ITIH5: variants seen among roughly 807,000 people sequenced by gnomAD.
ITIH5 encodes the protein inter-alpha-trypsin inhibitor heavy chain 5.
Under a neutral mutation model 77.5 loss-of-function variants are expected in ITIH5, and 65 were observed. That is an observed-to-expected ratio of 0.84 (90% confidence interval 0.69 to 1.03). The LOEUF (loss-of-function observed/expected upper bound fraction) is 1.03, where lower values mean the gene tolerates loss of function less well. ITIH5 is among the 50% of genes least tolerant of loss of function. ITIH5 has a pLI of 0.00. For synonymous variants in ITIH5, 525 were observed against 494.3 expected, an observed-to-expected ratio of 1.06 and a Z score of -0.82; for missense variants, 1,208 against 1,213.1, an observed-to-expected ratio of 1.00 and a Z score of 0.06.
At chr10:7,567,387 G>A (rs1166574042) in intron 12 of ITIH5, among the ~76,000 whole-genome samples, 2 of 149,498 alleles carry the variant, frequency 1.3e-5, no homozygotes, top group Non-Finnish European at 1.5e-5. Context: ...TGTGCCCAAC[G>A]TGCAGGTTTG....
At position 7,585,941 on chromosome 10, in the gene ITIH5, C is replaced by A. The variant is rs866669518; in HGVS notation, c.1068G>T (p.Arg356Ser). The A allele has an allele frequency of 6.2e-7, 1 of 1,613,934 alleles. No homozygotes were observed. Among genetic ancestry groups the A allele is most frequent in the Admixed American group, 1.7e-5 (1 of 59,998 alleles). The change falls in exon 8 of 14, where the codon AGG (arginine) becomes AGT (serine). Residue 356 changes from arginine to serine, a missense_variant. By Grantham distance (110) the Arg-to-Ser change is moderately radical. Transcript: ENST00000397146. ...TATGGTGAATGTACACTTTCCCATC[C>A]CTGATGCTGTCTGGAGTGACTGATA... is the stretch of plus-strand genomic sequence containing the variant. ...HLISVTPDSI[R>S]DGKVYIHHMS... is the part of the protein sequence containing the mutation.
intron 1 of ITIH5, among the ~76,000 whole-genome samples, chr10:7,659,387 A>T (rs1455785330): frequency 2.6e-5 from 4 of 152,110 alleles, no homozygotes; most frequent in African/African-American, 9.7e-5. Flanking sequence ...TCAAAAAAAA[A>T]TAAAAATTAA....
intron 5 of ITIH5, chr10:7,617,987 C>G (rs1267745749): frequency 1.3e-5 from 2 of 151,792 alleles, no homozygotes; most frequent in African/African-American, 4.9e-5. Context: ...TTTCTGTATT[C>G]CTTTTTTTTT....
At chr10:7,615,533 C>A (rs1007585695) in intron 7 of ITIH5, among the ~76,000 whole-genome samples, 3 of 152,160 alleles carry the variant, frequency 2.0e-5, no homozygotes, top group Non-Finnish European at 2.9e-5. Context: ...TGTCTCCCCA[C>A]CACCCTGGAA....
chr10:7,605,285 C>T (rs1297320242), intron 7 of ITIH5, among the ~76,000 whole-genome samples: 1 of 151,480 alleles, frequency 6.6e-6, no homozygotes, highest in Admixed American at 6.6e-5. Flanking sequence ...GCCACCCACT[C>T]GATTAACTTC....
At chr10:7,584,444 C>T (rs1169117810) in intron 8 of ITIH5, among the ~76,000 whole-genome samples, 1 of 152,044 alleles carries the variant, frequency 6.6e-6, no homozygotes, top group African/African-American at 2.4e-5. Context: ...GCTGGGATTA[C>T]AGGCACCCGC....
At chr10:7,616,585 T>C (rs1588402310) in intron 6 of ITIH5, among the ~76,000 whole-genome samples, 1 of 152,120 alleles carries the variant, frequency 6.6e-6, no homozygotes, top group Non-Finnish European at 1.5e-5. Flanking sequence ...CCCAGTGCTT[T>C]GGGAGGCTGA....
chr10:7,609,323 A>C (rs1833194043), intron 7 of ITIH5: 2 of 390,600 alleles, frequency 5.1e-6, no homozygotes, highest in South Asian at 3.9e-5. Context: ...TTGGCAGCAA[A>C]TGTCATTACC....
intron 13 of ITIH5, among the ~76,000 whole-genome samples, chr10:7,565,171 A>T (rs748268314): frequency 1.6e-4 from 17 of 107,614 alleles, no homozygotes; most frequent in Non-Finnish European, 3.1e-4. Flanking sequence ...ACACACATAC[A>T]TACACAGGCT....
intron 1 of ITIH5, among the ~76,000 whole-genome samples, chr10:7,659,096 G>T (rs887602047): frequency 2.6e-5 from 4 of 152,086 alleles, no homozygotes; most frequent in African/African-American, 7.2e-5. Flanking sequence ...ATGAGGTGAG[G>T]CTGGGCACGG....
chr10:7,655,600 G>A (rs749539956), intron 2 of ITIH5, 31 bp downstream of exon 2: 1 of 1,566,038 alleles, frequency 6.4e-7, no homozygotes, highest in Non-Finnish European at 8.8e-7. Context: ...TGAGGGAATG[G>A]ACTTTCAAGA....
At chr10:7,633,860 C>T (rs1182036411) in intron 5 of ITIH5, among the ~76,000 whole-genome samples, 13 of 151,930 alleles carry the variant, frequency 8.6e-5, no homozygotes, top group East Asian at 3.9e-4. Context: ...GAGGCCGAGG[C>T]GGGCGGATCA....
chr10:7,644,658 A>G lies in ITIH5; in HGVS notation c.136-2568T>C, dbSNP rs187113014. On this transcript the variant is annotated intron_variant, in intron 2 of 13. Coordinates refer to ENST00000397146, the MANE Select transcript of ITIH5 (RefSeq NM_030569.7). Reference sequence around the variant, plus strand: ...CACATATATATCATATATATCACATATATATCATATATATCACATATATAT... The same window carrying G: ...CACATATATATCATATATATCACATGTATATCATATATATCACATATATAT... Among the ~76,000 whole-genome samples, 131 of 132,296 alleles carry G rather than the reference A, an allele frequency of 9.9e-4. 1 individual carries two copies. Among genetic ancestry groups the G allele is most frequent in the Admixed American group, 2.4e-3 (31 of 12,718 alleles). The allele number at this position is 132,296 out of a possible 152,430, so 86.8% of individuals were successfully genotyped here. A position where few individuals can be genotyped will look rare whatever the true frequency, so the allele number is the denominator to read the frequency against.
chr10:7,627,187 G>A (rs1833595045), intron 5 of ITIH5, among the ~76,000 whole-genome samples: 1 of 152,130 alleles, frequency 6.6e-6, no homozygotes, highest in Non-Finnish European at 1.5e-5. Flanking sequence ...GCTAATACAT[G>A]CGGGGCTTAA....
chr10:7,591,268 T>A (rs551977202), intron 7 of ITIH5, among the ~76,000 whole-genome samples: 40 of 152,338 alleles, frequency 2.6e-4, no homozygotes, highest in African/African-American at 9.6e-4. Context: ...TTTTATTTCC[T>A]GCTAGTCTAC....
chr10:7,594,465 T>A (rs1317515086), intron 7 of ITIH5, among the ~76,000 whole-genome samples: 1 of 151,938 alleles, frequency 6.6e-6, no homozygotes, highest in African/African-American at 2.4e-5. Flanking sequence ...CATGTTGGAG[T>A]CATGAAGTTA....
chr10:7,600,682 G>A lies in ITIH5; in HGVS notation c.940-14613C>T, dbSNP rs1170724246. 4.8e-6 allele frequency: 2 copies of A among 419,608 alleles called. 1 individual carries two copies. The highest frequency in any genetic ancestry group is 4.1e-5 in the African/African-American group (2 of 48,842). 26.0% of individuals were successfully genotyped at this position (419,608 alleles called of 1,614,324 possible). The stretch of plus-strand genomic sequence containing the variant: ...TAGGGGTACACAAGGGACAGTTTGG[G>A]TCCCCCTAAATTCAAAGGTTGAAAT... On this transcript the variant is annotated intron_variant, in intron 7 of 13. Coordinates refer to ENST00000397146, the MANE Select transcript of ITIH5 (RefSeq NM_030569.7).
intron 7 of ITIH5, among the ~76,000 whole-genome samples, chr10:7,605,922 T>C (rs1192170414): frequency 6.6e-6 from 1 of 152,170 alleles, no homozygotes; most frequent in Non-Finnish European, 1.5e-5. Context: ...AGGAGGAAAC[T>C]AGGCTTTTCT....
At chr10:7,589,597 C>T (rs892784784) in intron 7 of ITIH5, among the ~76,000 whole-genome samples, 2 of 151,922 alleles carry the variant, frequency 1.3e-5, no homozygotes, top group African/African-American at 4.8e-5. Context: ...CAATGGAGTG[C>T]TCCTTTCCAT....
Sources: gnomAD v4.1 joint callset for allele counts (sites outside exome capture counted in the v4.1 genomes callset) on GRCh38, gnomAD v4.1.1 for gene constraint, MANE v1.5 for transcripts, NCBI Gene and HGNC (gene_info 2026-07-23, HGNC 2026-07-21) for gene names.